The following CALCRL variants were observed in gnomAD, a reference collection of about 807,000 sequenced individuals.
CALCRL encodes the protein calcitonin gene-related peptide type 1 receptor.
Under a neutral mutation model 60.4 loss-of-function variants are expected in CALCRL, and 27 were observed. The observed-to-expected ratio is 0.45, with a 90% CI of 0.33 to 0.62. The LOEUF (loss-of-function observed/expected upper bound fraction) is 0.62. Among genes scored for constraint, CALCRL ranks in the 20% least tolerant of loss-of-function variants. The pLI is 0.03. For synonymous variants in CALCRL, 190 were observed against 182.6 expected (o/e 1.04, Z -0.33); for missense variants, 424 against 540.7 (o/e 0.78, Z 2.14).
At chr2:187,398,821 G>GA (rs544889252) in intron 1 of CALCRL, among the ~76,000 whole-genome samples, 1 of 151,600 alleles carries the variant, frequency 6.6e-6, no homozygotes, top group Non-Finnish European at 1.5e-5. Flanking sequence ...ATCATACAGA[G>GA]AAAATGTTAA....
intron 1 of CALCRL, among the ~76,000 whole-genome samples, chr2:187,402,784 A>C (rs986641616): frequency 6.6e-6 from 1 of 151,854 alleles, no homozygotes; most frequent in Non-Finnish European, 1.5e-5. Context: ...AATGGCATGT[A>C]TTCCATATAT....
intron 1 of CALCRL, among the ~76,000 whole-genome samples, chr2:187,416,254 C>G (rs1034914443): frequency 6.6e-6 from 1 of 152,016 alleles, no homozygotes; most frequent in African/African-American, 2.4e-5. Context: ...AACAAATTTA[C>G]TAATGGTAAT....
intron 1 of CALCRL, among the ~76,000 whole-genome samples, chr2:187,425,322 A>G (rs1383460437): frequency 6.6e-6 from 1 of 151,992 alleles, no homozygotes; most frequent in Non-Finnish European, 1.5e-5. Flanking sequence ...TCATGTCACA[A>G]ATATAATTAT....
At chr2:187,420,594 G>T (rs1689826400) in intron 1 of CALCRL, among the ~76,000 whole-genome samples, 1 of 152,002 alleles carries the variant, frequency 6.6e-6, no homozygotes, top group African/African-American at 2.4e-5. Context: ...GTCCAAAATT[G>T]ATGGTAAATA....
At position 187,363,372 on chromosome 2, in the gene CALCRL, T is replaced by C; in HGVS notation, c.627+4A>G. Reference sequence around the variant, plus strand: ...AACCAAGGGCACAATCTTGGTTTACTTACAGGATTTGTGGCTACTAAGGCC... The same window carrying C: ...AACCAAGGGCACAATCTTGGTTTACCTACAGGATTTGTGGCTACTAAGGCC... On this transcript the variant is annotated splice_donor_region_variant and intron_variant, in intron 9 of 14. Coordinates refer to ENST00000392370, the MANE Select transcript of CALCRL (RefSeq NM_005795.6). 2 of 1,607,234 alleles carry C rather than the reference T, an allele frequency of 1.2e-6. No individual in the cohort carries two copies. The highest frequency in any genetic ancestry group is 1.7e-6 in the Non-Finnish European group (2 of 1,177,190).
In CALCRL at chr2:187,380,758, A is replaced by T. The variant is rs1687951893; in HGVS notation, c.214T>A (p.Trp72Arg). The T allele has an allele frequency of 1.2e-6, 2 of 1,614,110 alleles. No individual in the cohort carries two copies. Among genetic ancestry groups the T allele is most frequent in the Non-Finnish European group, 1.7e-6 (2 of 1,179,968 alleles). Residue 72 changes from tryptophan (W) to arginine (R), a missense_variant, in exon 6 of 15, where the codon TGG becomes AGG. Trp to Arg is a moderately radical substitution (Grantham distance 101). Coordinates refer to ENST00000392370, the MANE Select transcript of CALCRL (RefSeq NM_005795.6). ...GVYCNRTWDG[W>R]LCWNDVAAGT... The stretch of plus-strand genomic sequence containing the variant: ...GCTGCAACATCGTTCCAGCAGAGCC[A>T]TCCATCCCAGGTTCTGTTGCAGTAA...
rs185008808 is a variant in CALCRL, at chr2:187,411,292, C to T, written c.-292-23536G>A. ...CTCTATATAACTATAAATAAGACTA[C>T]TGTAAATACTACTAAATTGATTCTT... On this transcript the variant is annotated intron_variant, in intron 1 of 14. Coordinates refer to ENST00000392370, the MANE Select transcript of CALCRL (RefSeq NM_005795.6). Among the ~76,000 whole-genome samples the T allele has an allele frequency of 1.8e-3, 269 of 152,238 alleles. 2 individuals are homozygous for T. Among genetic ancestry groups the T allele is most frequent in the Middle Eastern group, 0.01 (3 of 292 alleles).
At chr2:187,367,998 G>T (rs1481786281) in intron 8 of CALCRL, among the ~76,000 whole-genome samples, 4 of 152,040 alleles carry the variant, frequency 2.6e-5, no homozygotes, top group Non-Finnish European at 4.4e-5. Flanking sequence ...AACAATTTTA[G>T]AAGTAAGTAG....
chr2:187,405,658 C>T (rs951987910), intron 1 of CALCRL, among the ~76,000 whole-genome samples: 5 of 152,012 alleles, frequency 3.3e-5, no homozygotes, highest in African/African-American at 1.2e-4. Context: ...AGAGGAAGAG[C>T]AAAACCAGTG....
At chr2:187,402,303 G>C (rs1688922778) in intron 1 of CALCRL, among the ~76,000 whole-genome samples, 1 of 151,642 alleles carries the variant, frequency 6.6e-6, no homozygotes, top group Admixed American at 6.6e-5. Context: ...AACTTTGTAG[G>C]AGTAGAATGA....
At chr2:187,404,224 C>T (rs1689018015) in intron 1 of CALCRL, among the ~76,000 whole-genome samples, 1 of 151,786 alleles carries the variant, frequency 6.6e-6, no homozygotes, top group South Asian at 2.1e-4. Context: ...GAAACATTTT[C>T]CTAATGTGAC....
At chr2:187,388,954 A>C (rs1688318169) in intron 1 of CALCRL, among the ~76,000 whole-genome samples, 1 of 152,144 alleles carries the variant, frequency 6.6e-6, no homozygotes, top group South Asian at 2.1e-4. Flanking sequence ...AAGAGATTCA[A>C]TACTAAATAA....
intron 12 of CALCRL, among the ~76,000 whole-genome samples, chr2:187,353,657 C>T (rs1208045730): frequency 3.9e-5 from 6 of 151,924 alleles, no homozygotes; most frequent in African/African-American, 1.4e-4. Context: ...TAAGCCATTT[C>T]AACAGGTGTG....
At chr2:187,361,546 GT>G (rs909828542) in intron 9 of CALCRL, among the ~76,000 whole-genome samples, 1 of 151,758 alleles carries the variant, frequency 6.6e-6, no homozygotes, top group African/African-American at 2.4e-5. Flanking sequence ...TTTTGAAATA[GT>G]TTTTTTAACC....
At chr2:187,375,204 G>A (rs932661209) in intron 8 of CALCRL, among the ~76,000 whole-genome samples, 14 of 149,890 alleles carry the variant, frequency 9.3e-5, no homozygotes, top group Non-Finnish European at 1.5e-4. Flanking sequence ...CCCGGGAAGC[G>A]GAGCTTGCAG....
chr2:187,422,810 C>T (rs980493303), intron 1 of CALCRL, among the ~76,000 whole-genome samples: 1 of 151,812 alleles, frequency 6.6e-6, no homozygotes, highest in African/African-American at 2.4e-5. Flanking sequence ...TGGTATAATT[C>T]TGATTGTGAC....
At chr2:187,387,895 T>G (rs1039722231) in intron 1 of CALCRL, 139 bp from the exon 2 acceptor site, 11 of 357,894 alleles carry the variant, frequency 3.1e-5, no homozygotes, top group Admixed American at 4.7e-5. Flanking sequence ...AAAAGCCTCT[T>G]TTGCTTACAA....
intron 12 of CALCRL, among the ~76,000 whole-genome samples, chr2:187,354,849 C>T (rs115317857): frequency 0.011 from 1,604 of 152,032 alleles, 27 homozygotes; most frequent in African/African-American, 0.036. Context: ...TTGCTAGGTG[C>T]TTTCACTTCC....
Position 187,383,162 on chromosome 2 carries a change from G to T in CALCRL, c.184+11C>A, listed in dbSNP as rs1441731302. On this transcript the variant is annotated intron_variant, in intron 5 of 14. Transcript: ENST00000392370. ...TGTCAAATGCATTTACAACTAAGTA[G>T]CCATGCTTACCTTCTGCTTGTTGAA... is the stretch of plus-strand genomic sequence containing the variant. 6.2e-7 allele frequency: 1 copy of T among 1,606,582 alleles called. No individual in the cohort carries two copies. Among genetic ancestry groups the T allele is most frequent in the Non-Finnish European group, 8.5e-7 (1 of 1,178,374 alleles).
Sources: gnomAD v4.1 joint callset for allele counts (sites outside exome capture counted in the v4.1 genomes callset) on GRCh38, gnomAD v4.1.1 for gene constraint, MANE v1.5 for transcripts, NCBI Gene and HGNC (gene_info 2026-07-23, HGNC 2026-07-21) for gene names.